Variants in MUC5B observed in about 807,000 individuals in gnomAD.
The protein encoded by MUC5B is mucin 5B, oligomeric mucus/gel-forming, also known as mucin-5B.
Under a neutral mutation model 376.9 loss-of-function variants are expected in MUC5B, and 116 were observed. The observed-to-expected ratio is 0.31, with a 90% CI of 0.26 to 0.36. MUC5B has a LOEUF of 0.36. Ranked by LOEUF, MUC5B falls within the 10% of genes least tolerant of loss-of-function variation. The pLI is 1.00. For missense variants in MUC5B, 7,165 were observed against 7,769.9 expected, an observed-to-expected ratio of 0.92 and a Z score of 2.93; for synonymous variants, 3,517 against 3,390.9, an observed-to-expected ratio of 1.04 and a Z score of -1.29.
At chr11:1,252,312 G>A in intron 31 of MUC5B, 31 bp from the exon 32 acceptor site, 2 of 1,520,684 alleles carry the variant, frequency 1.3e-6, no homozygotes, top group Non-Finnish European at 1.8e-6. Context: ...TCTGGGAGTG[G>A]CTTATCTTTC....
chr11:1,254,292 T>C lies in MUC5B; in HGVS notation c.15418T>C (p.Tyr5140His). Residue 5140 changes from tyrosine to histidine, a missense_variant, in exon 34 of 49, where the codon TAC becomes CAC. Coordinates refer to ENST00000529681, the MANE Select transcript of MUC5B (RefSeq NM_002458.3). ...CTGCCCCCGCGCCCTCAGCATCCAC[T>C]ACAAGTCCATGGATATCGTCCTCAC... ...ARCPRALSIHYKSMDIVLTVT... is the reference protein window; with the variant it reads ...ARCPRALSIHHKSMDIVLTVT... The C allele has an allele frequency of 6.2e-7, 1 of 1,610,252 alleles. No homozygotes were observed. The highest frequency in any genetic ancestry group is 8.5e-7 in the Non-Finnish European group (1 of 1,179,838).
At position 1,234,350 on chromosome 11, in the gene MUC5B, A is replaced by T. The variant is rs745930003; in HGVS notation, c.2478+45A>T. 3 of 1,533,550 alleles carry T rather than the reference A, an allele frequency of 2.0e-6. No homozygotes were observed. The South Asian group carries it at 3.6e-5, about 18-fold the overall frequency. The allele number at this position is 1,533,550 out of a possible 1,614,324, so 95.0% of individuals were successfully genotyped here. On this transcript the variant is annotated intron_variant, in intron 20 of 48. Coordinates refer to ENST00000529681, the MANE Select transcript of MUC5B (RefSeq NM_002458.3). The surrounding 1 kb of genome is among the most constrained non-coding windows in gnomAD (Gnocchi z 6.3). ...GAGGGGTGGGCAGGGAAGGGGTCCC[A>T]GCTTTCCCAGCTCCCGAGCCCAGGG...
At chr11:1,224,814 G>A (rs1002876502) in intron 1 of MUC5B, among the ~76,000 whole-genome samples, 4 of 152,154 alleles carry the variant, frequency 2.6e-5, no homozygotes, top group Non-Finnish European at 2.9e-5. Flanking sequence ...GCCAGAGTGC[G>A]AACCACAGGG....
chr11:1,254,937 G>C (rs574261545), intron 35 of MUC5B, 57 bp downstream of exon 35: 1 of 1,505,486 alleles, frequency 6.6e-7, no homozygotes, highest in Non-Finnish European at 9.0e-7. Context: ...TGACAACCCA[G>C]TGAGCATAGG....
At position 1,258,007 on chromosome 11, in the gene MUC5B, C is replaced by T. The variant is rs193240703; in HGVS notation, c.16451-92C>T. The T allele has an allele frequency of 1.1e-4, 141 of 1,307,830 alleles. 1 individual carries two copies. The African/African-American group carries it at 1.7e-3, about 15-fold the overall frequency. 81.0% of individuals were successfully genotyped at this position (1,307,830 alleles called of 1,614,324 possible). On this transcript the variant is annotated intron_variant, in intron 41 of 48. Coordinates refer to ENST00000529681, the MANE Select transcript of MUC5B (RefSeq NM_002458.3). This position sits in a 1 kb window ranked among gnomAD's most constrained non-coding sequence, Gnocchi z 5.5. ...AGGGGCTGTGAAGCGGTCAGGTCCT[C>T]GGGGAAAAGCACGCCTGCGACTTAC...
Position 1,250,052 on chromosome 11 carries a change from T to C in MUC5B, c.13172T>C (p.Ile4391Thr), listed in dbSNP as rs548774718. The C allele has an allele frequency of 3.1e-6, 5 of 1,606,352 alleles. No homozygotes were observed. The highest frequency in any genetic ancestry group is 1.7e-5 in the Admixed American group (1 of 59,506). ...TPSSTPGTTW[I>T]LTELTTAATT... ...TCCTCCACTCCGGGGACGACCTGGA[T>C]CCTCACAGAGCTGACCACAGCAGCC... The change falls in exon 31 of 49, where the codon ATC becomes ACC. Residue 4391 changes from isoleucine to threonine, a missense_variant. This residue lies in a region of MUC5B where 431 missense variants were observed against 390.4 expected (regional missense o/e 1.10). Transcript: ENST00000529681.
chr11:1,248,012 C>T lies in MUC5B; in HGVS notation c.11132C>T (p.Thr3711Ile), dbSNP rs1407721449. The T allele has an allele frequency of 1.9e-6, 3 of 1,609,616 alleles. No individual in the cohort carries two copies. The highest frequency in any genetic ancestry group is 2.2e-5 in the East Asian group (1 of 44,810). ...ACTGAGTCCACTGGATCCACGGCCA[C>T]CCCGTCCTCCACCCCAGGGACCACC... ...TTTESTGSTA[T>I]PSSTPGTTWI... is the part of the protein sequence containing the mutation. Residue 3711 changes from threonine (T) to isoleucine (I), a missense_variant, in exon 31 of 49, where the codon ACC becomes ATC. Physicochemically the swap from Thr to Ile is moderately conservative, Grantham distance 89. This residue lies in a region of MUC5B where 90 missense variants were observed against 71.1 expected (regional missense o/e 1.27). Transcript: ENST00000529681.
intron 44 of MUC5B, 25 bp downstream of exon 44, chr11:1,259,086 A>G: frequency 6.5e-7 from 1 of 1,539,322 alleles, no homozygotes; most frequent in East Asian, 2.5e-5. Flanking sequence ...ACCTGCCCCC[A>G]GGTGAGCCCC....
In MUC5B at chr11:1,249,973, G is replaced by A. The variant is rs1862623006; in HGVS notation, c.13093G>A (p.Val4365Met). The A allele has an allele frequency of 1.2e-6, 2 of 1,609,960 alleles. No homozygotes were observed. The highest frequency in any genetic ancestry group is 2.2e-5 in the East Asian group (1 of 44,624). ...TCCGGAGACCACCCACACCTCCACA[G>A]TGCTGACCACGAAGGCCACCACGAC... Reference protein sequence around the residue: ...STPETTHTSTVLTTKATTTRA... With the variant: ...STPETTHTSTMLTTKATTTRA... The change falls in exon 31 of 49, where the codon GTG (valine) becomes ATG (methionine). Residue 4365 changes from valine (V) to methionine (M), a missense_variant. Val to Met is a conservative substitution (Grantham distance 21). Around this residue, in one of 31 missense-constraint regions of MUC5B, gnomAD observed 431 missense variants for 390.4 expected, o/e 1.10. Coordinates refer to ENST00000529681, the MANE Select transcript of MUC5B (RefSeq NM_002458.3).
Position 1,234,449 on chromosome 11 carries a change from G to C in MUC5B, c.2479-80G>C. 1 of 1,526,272 alleles carries C rather than the reference G, an allele frequency of 6.6e-7. No individual in the cohort carries two copies. The highest frequency in any genetic ancestry group is 8.8e-7 in the Non-Finnish European group (1 of 1,131,200). 94.5% of individuals were successfully genotyped at this position (1,526,272 alleles called of 1,614,324 possible). A position where few individuals can be genotyped will look rare whatever the true frequency, so the allele number is the denominator to read the frequency against. ...CCATGCGTTGCCCTGGGTGCTGCTG[G>C]GTGCGCCTGTCCCAGAGGGTGAGTG... On this transcript the variant is annotated intron_variant, in intron 20 of 48. Transcript: ENST00000529681. This position sits in a 1 kb window ranked among gnomAD's most constrained non-coding sequence, Gnocchi z 6.3.
rs1174785932 is a variant in MUC5B at position 1,254,120 on chromosome 11, C to T, written c.15246C>T (p.His5082=). The change falls in exon 34 of 49, where the codon CAC becomes CAT. Residue 5082 remains histidine, a synonymous_variant. Transcript: ENST00000529681. The part of the protein sequence containing the change: ...ECICSMWGGS[H]YSTFDGTSYT... ...TCTGCAGCATGTGGGGCGGCTCCCA[C>T]TATTCCACCTTTGACGGCACCTCTT... The T allele has an allele frequency of 6.2e-7, 1 of 1,612,528 alleles. No homozygotes were observed. Among genetic ancestry groups the T allele is most frequent in the Non-Finnish European group, 8.5e-7 (1 of 1,179,818 alleles).
rs776080647 is a variant in MUC5B, at chr11:1,256,746, C to A, written c.16212C>A (p.His5404Gln). 6.5e-7 allele frequency: 1 copy of A among 1,547,884 alleles called. No individual in the cohort carries two copies. Among genetic ancestry groups the A allele is most frequent in the Non-Finnish European group, 8.7e-7 (1 of 1,148,452 alleles). Residue 5404 changes from histidine (H) to glutamine (Q), a missense_variant, in exon 39 of 49, where the codon CAC (histidine) becomes CAA (glutamine). Transcript: ENST00000529681. ...AGGACCAGATCCTCTTCAACGCACA[C>A]ATGGGCATCTGCGTGCAGGCCTGCC... is the stretch of plus-strand genomic sequence containing the variant. Reference protein sequence around the residue: ...CPEDQILFNAHMGICVQACPC... With the variant: ...CPEDQILFNAQMGICVQACPC...
chr11:1,228,089 A>G lies in MUC5B; in HGVS notation c.774+308A>G, dbSNP rs140874989. 8.0e-3 allele frequency among the ~76,000 whole-genome samples: 1,225 copies of G among 152,286 alleles called. 24 individuals carry two copies. The highest frequency in any genetic ancestry group is 0.028 in the African/African-American group (1,180 of 41,560). On this transcript the variant is annotated intron_variant, in intron 7 of 48. Coordinates refer to ENST00000529681, the MANE Select transcript of MUC5B (RefSeq NM_002458.3). Reference sequence around the variant, plus strand: ...CCTTCCCACCAGCAGGTGGACTCAGAAGGGGCCTGGAGGCTCCAGGATCCC... The same window carrying G: ...CCTTCCCACCAGCAGGTGGACTCAGGAGGGGCCTGGAGGCTCCAGGATCCC...
Position 1,254,862 on chromosome 11 carries a change from AAC to A in MUC5B, c.15649_15650del (p.Thr5217ArgfsTer61). The A allele has an allele frequency of 6.2e-7, 1 of 1,611,346 alleles. No individual in the cohort carries two copies. The highest frequency in any genetic ancestry group is 8.5e-7 in the Non-Finnish European group (1 of 1,179,564). ...ARLPYSLFHN[N>X]TEGQCGTCTN... ...GCTGCCCTACAGCCTCTTCCACAACAACACCGAGGGCCAGTGCGGTGAGTGGG... is the reference window on the plus strand; with the variant it reads ...GCTGCCCTACAGCCTCTTCCACAACAACCGAGGGCCAGTGCGGTGAGTGGG... On this transcript the variant is annotated frameshift_variant, in exon 35 of 49. Coordinates refer to ENST00000529681, the MANE Select transcript of MUC5B (RefSeq NM_002458.3). LOFTEE classifies it high-confidence loss of function.
In MUC5B at chr11:1,242,547, AG is replaced by A; in HGVS notation, c.5668del (p.Ala1890ProfsTer41). The A allele has an allele frequency of 6.2e-7, 1 of 1,613,750 alleles. No homozygotes were observed. Among genetic ancestry groups the A allele is most frequent in the Non-Finnish European group, 8.5e-7 (1 of 1,179,790 alleles). On this transcript the variant is annotated frameshift_variant, in exon 31 of 49. Transcript: ENST00000529681. LOFTEE classifies it high-confidence loss of function. ...DDYSHCPSTP[A>X]TSSTATPSST... ...ACTACAGCCACTGCCCCAGTACCCC[AG>A]CCACCAGCTCCACGGCCACGCCCTC...
chr11:1,255,299 G>A (rs1397528769), intron 36 of MUC5B, 33 bp downstream of exon 36: 1 of 1,507,900 alleles, frequency 6.6e-7, no homozygotes, highest in Non-Finnish European at 8.9e-7. Context: ...GCAGGCCCTG[G>A]GGCGCCCCCG....
Position 1,255,285 on chromosome 11 carries a change from G to T in MUC5B, c.15890+19G>T. ...TGAGCCAGTGAGTCCTCCCCTCGGG[G>T]GTTGCAGGCCCTGGGGCGCCCCCGC... On this transcript the variant is annotated intron_variant, in intron 36 of 48. Coordinates refer to ENST00000529681, the MANE Select transcript of MUC5B (RefSeq NM_002458.3). 6.6e-7 allele frequency: 1 copy of T among 1,508,432 alleles called. No individual in the cohort carries two copies. The highest frequency in any genetic ancestry group is 1.3e-5 in the South Asian group (1 of 77,998). 93.4% of individuals were successfully genotyped at this position (1,508,432 alleles called of 1,614,324 possible).
rs764140204 is a variant in MUC5B, at chr11:1,227,144, T to G, written c.575T>G (p.Leu192Arg). 1.2e-6 allele frequency: 2 copies of G among 1,610,202 alleles called. No individual in the cohort carries two copies. The highest frequency in any genetic ancestry group is 1.3e-5 in the African/African-American group (1 of 74,994). The change falls in exon 5 of 49, where the codon CTG (leucine) becomes CGG (arginine). Residue 192 changes from leucine to arginine, a missense_variant and splice_region_variant. By Grantham distance (102) the Leu-to-Arg change is moderately radical. Around this residue, in one of 31 missense-constraint regions of MUC5B, gnomAD observed 640 missense variants for 733.0 expected, o/e 0.87. Coordinates refer to ENST00000529681, the MANE Select transcript of MUC5B (RefSeq NM_002458.3). ...TFLWNGEDSALLELDPKYANQ... is the reference protein window; with the variant it reads ...TFLWNGEDSARLELDPKYANQ... Reference sequence around the variant, plus strand: ...CTGTGGAACGGAGAGGACAGTGCCCTGGTGAGGAAGCCCCCTCGCCCCTTG... The same window carrying G: ...CTGTGGAACGGAGAGGACAGTGCCCGGGTGAGGAAGCCCCCTCGCCCCTTG...
intron 36 of MUC5B, 30 bp downstream of exon 36, chr11:1,255,296 C>G (rs1315312248): frequency 2.0e-6 from 3 of 1,507,020 alleles, no homozygotes; most frequent in African/African-American, 2.8e-5. Context: ...GTTGCAGGCC[C>G]TGGGGCGCCC....
Sources: gnomAD v4.1 joint callset for allele counts (sites outside exome capture counted in the v4.1 genomes callset) on GRCh38, gnomAD v4.1.1 for gene constraint, gnomAD v4.1.1 regional missense constraint, Gnocchi (gnomAD v3.1) non-coding constraint, MANE v1.5 for transcripts, NCBI Gene and HGNC (gene_info 2026-07-23, HGNC 2026-07-21) for gene names.